Variants in PIK3C2G observed in about 807,000 individuals in gnomAD.
The protein encoded by PIK3C2G is phosphatidylinositol-4-phosphate 3-kinase catalytic subunit type 2 gamma, also known as phosphatidylinositol 3-kinase C2 domain-containing subunit gamma.
PIK3C2G carries 168 observed loss-of-function variants against 181.1 expected under a neutral mutation model. The ratio of observed to expected loss-of-function variants is 0.93; its 90% CI spans 0.82 to 1.05. The LOEUF (loss-of-function observed/expected upper bound fraction) is 1.05, where lower values mean the gene tolerates loss of function less well. Among genes scored for constraint, PIK3C2G ranks in the 50% least tolerant of loss-of-function variants. The pLI is 0.00. For missense variants in PIK3C2G, 1,869 were observed against 1,732.8 expected (o/e 1.08, Z -1.40); for synonymous variants, 573 against 592.2 (o/e 0.97, Z 0.47).
At chr12:18,443,314 G>A (rs1004597427) in intron 18 of PIK3C2G, among the ~76,000 whole-genome samples, 15 of 152,142 alleles carry the variant, frequency 9.9e-5, no homozygotes, top group South Asian at 6.2e-4. Context: ...GTGAGTGTAT[G>A]TATGTATGTG....
intron 11 of PIK3C2G, among the ~76,000 whole-genome samples, chr12:18,352,441 G>C (rs1430032614): frequency 1.3e-5 from 2 of 152,142 alleles, no homozygotes; most frequent in Non-Finnish European, 2.9e-5. Flanking sequence ...TGGGTGCAGG[G>C]GCCAGGACAA....
At chr12:18,458,203 A>G (rs1322395688) in intron 18 of PIK3C2G, among the ~76,000 whole-genome samples, 1 of 152,316 alleles carries the variant, frequency 6.6e-6, no homozygotes. Context: ...ATTGCTTTTC[A>G]TTTCCAAAAG....
At chr12:18,259,123 G>A (rs895899689), upstream of PIK3C2G, among the ~76,000 whole-genome samples, 13 of 152,044 alleles carry the variant, frequency 8.6e-5, no homozygotes, top group Non-Finnish European at 1.6e-4. Context: ...AACAGGGTGG[G>A]AAGTTGCTCT....
intron 22 of PIK3C2G, among the ~76,000 whole-genome samples, chr12:18,500,885 G>A (rs183345360): frequency 2.6e-5 from 4 of 152,026 alleles, no homozygotes; most frequent in Non-Finnish European, 5.9e-5. Context: ...CCCTCACCGC[G>A]AAGGTCTGTA....
intron 11 of PIK3C2G, among the ~76,000 whole-genome samples, chr12:18,351,561 T>G (rs983204283): frequency 6.6e-6 from 1 of 152,186 alleles, no homozygotes; most frequent in Non-Finnish European, 1.5e-5. Context: ...CTGAGCACAT[T>G]CTGTGAGTTT....
intron 24 of PIK3C2G, among the ~76,000 whole-genome samples, chr12:18,535,746 G>C (rs1475401535): frequency 6.6e-6 from 1 of 152,042 alleles, no homozygotes; most frequent in Non-Finnish European, 1.5e-5. Flanking sequence ...ATAAAATTAA[G>C]ATATTTTTCT....
the PIK3C2G span, among the ~76,000 whole-genome samples, chr12:18,716,709 A>G: frequency 6.6e-6 from 1 of 152,304 alleles, no homozygotes; most frequent in East Asian, 1.9e-4. Context: ...ACTTTATTTC[A>G]TCTATTTATC....
At chr12:18,330,950 T>G (rs1937893124) in intron 8 of PIK3C2G, among the ~76,000 whole-genome samples, 1 of 152,240 alleles carries the variant, frequency 6.6e-6, no homozygotes, top group Non-Finnish European at 1.5e-5. Context: ...TTATGCTTTC[T>G]TATCATATTT....
chr12:18,606,775 T>C (rs1357204263), intron 30 of PIK3C2G, among the ~76,000 whole-genome samples: 1 of 152,076 alleles, frequency 6.6e-6, no homozygotes, highest in Admixed American at 6.6e-5. Flanking sequence ...TATTAATAAA[T>C]TGATCTCTAA....
chr12:18,477,296 C>CA (rs1939099541), intron 18 of PIK3C2G, among the ~76,000 whole-genome samples: 1 of 152,090 alleles, frequency 6.6e-6, no homozygotes, highest in Non-Finnish European at 1.5e-5. Flanking sequence ...GATTAAACGA[C>CA]AGGACAGACA....
intron 30 of PIK3C2G, among the ~76,000 whole-genome samples, chr12:18,599,440 T>G (rs1038136099): frequency 4.0e-4 from 61 of 151,842 alleles, no homozygotes; most frequent in African/African-American, 1.3e-3. Flanking sequence ...TAGGTGGGAA[T>G]TGAACAATGA....
At chr12:18,494,981 C>A (rs1386944182) in intron 20 of PIK3C2G, among the ~76,000 whole-genome samples, 1 of 151,626 alleles carries the variant, frequency 6.6e-6, no homozygotes, top group Admixed American at 6.6e-5. Context: ...TAGAAAATAT[C>A]TATTTTCCAT....
intron 16 of PIK3C2G, among the ~76,000 whole-genome samples, chr12:18,407,319 T>C (rs1419209925): frequency 6.6e-6 from 1 of 152,150 alleles, no homozygotes; most frequent in Non-Finnish European, 1.5e-5. Context: ...AATAATATTT[T>C]ATAATTGAAG....
rs1314003630 is a variant in PIK3C2G at position 18,629,490 on chromosome 12, G to T, written c.4183-10939G>T. On this transcript the variant is annotated intron_variant, in intron 31 of 32. Transcript: ENST00000538779. ...CCAAGGAAGGAACACAATTAGAGAT[G>T]AAGTCTCTAAAAGAAAGTGAGGAGG... Among the ~76,000 whole-genome samples, 5 of 152,142 alleles carry T rather than the reference G, an allele frequency of 3.3e-5. 1 individual carries two copies. The highest frequency in any genetic ancestry group is 9.7e-5 in the African/African-American group (4 of 41,442).
intron 1 of PIK3C2G, among the ~76,000 whole-genome samples, chr12:18,268,465 C>T (rs1948604921): frequency 2.0e-5 from 3 of 151,876 alleles, no homozygotes; most frequent in Admixed American, 1.3e-4. Context: ...TCTATTTGAC[C>T]AGCTTTTAAT....
Position 18,346,703 on chromosome 12 carries a change from T to A in PIK3C2G, c.1492T>A (p.Cys498Ser). The change falls in exon 11 of 33, where the codon TGT becomes AGT. Residue 498 changes from cysteine to serine, a missense_variant. Coordinates refer to ENST00000538779, the MANE Select transcript of PIK3C2G (RefSeq NM_001288772.2). The part of the protein sequence containing the change: ...TSIYQLINVY[C>S]NSFYADFQPV... ...CATCTACCAGCTAATCAATGTCTAC[T>A]GTAACAGCTTTTATGCAGATTTTCA... 1 of 1,613,388 alleles carries A rather than the reference T, an allele frequency of 6.2e-7. No individual in the cohort carries two copies. Among genetic ancestry groups the A allele is most frequent in the Non-Finnish European group, 8.5e-7 (1 of 1,179,394 alleles).
chr12:18,652,260 C>T (rs568479083), downstream of PIK3C2G, among the ~76,000 whole-genome samples: 48 of 152,158 alleles, frequency 3.2e-4, no homozygotes, highest in Middle Eastern at 6.8e-3. Flanking sequence ...ATACCAGTCA[C>T]ATATAAGTAT....
intron 32 of PIK3C2G, among the ~76,000 whole-genome samples, chr12:18,646,271 T>C (rs1413904811): frequency 6.6e-6 from 1 of 152,176 alleles, no homozygotes; most frequent in East Asian, 1.9e-4. Context: ...ACAGTATTAC[T>C]CCTGCATATG....
At chr12:18,357,008 T>C (rs1456651062) in intron 11 of PIK3C2G, among the ~76,000 whole-genome samples, 4 of 152,152 alleles carry the variant, frequency 2.6e-5, no homozygotes, top group African/African-American at 4.8e-5. Context: ...AGTATTTTCC[T>C]GCCTCCTGTC....
Sources: gnomAD v4.1 joint callset for allele counts (sites outside exome capture counted in the v4.1 genomes callset) on GRCh38, gnomAD v4.1.1 for gene constraint, MANE v1.5 for transcripts, NCBI Gene and HGNC (gene_info 2026-07-23, HGNC 2026-07-21) for gene names.